The following SLC35F3 variants were observed in gnomAD, a reference collection of about 807,000 sequenced individuals.
SLC35F3 encodes putative thiamine transporter SLC35F3.
In SLC35F3, 25 loss-of-function variants were observed where a neutral mutation model predicts 49.9. The ratio of observed to expected loss-of-function variants is 0.50; its 90% CI spans 0.37 to 0.70. SLC35F3 has a LOEUF of 0.70. SLC35F3 is among the 30% of genes least tolerant of loss of function. The pLI, the probability that SLC35F3 is intolerant of heterozygous loss-of-function variation, is 0.00. For missense variants in SLC35F3, 525 were observed against 639.8 expected, an observed-to-expected ratio of 0.82 and a Z score of 1.94; for synonymous variants, 275 against 265.4, an observed-to-expected ratio of 1.04 and a Z score of -0.35.
intron 2 of SLC35F3, among the ~76,000 whole-genome samples, chr1:233,964,018 G>T (rs1662852780): frequency 6.6e-6 from 1 of 152,184 alleles, no homozygotes; most frequent in Non-Finnish European, 1.5e-5. Flanking sequence ...AGAAACTCAA[G>T]TTACTCTCTA....
chr1:233,942,634 A>AAACTCCC (rs1468966444), intron 2 of SLC35F3, among the ~76,000 whole-genome samples: 1 of 152,112 alleles, frequency 6.6e-6, no homozygotes, highest in Non-Finnish European at 1.5e-5. Context: ...AGCTGGTCTC[A>AAACTCCC]AACTCCCAGG....
At chr1:233,905,857 C>A in intron 2 of SLC35F3, 99 bp downstream of exon 2, 2 of 1,105,076 alleles carry the variant, frequency 1.8e-6, no homozygotes, top group Non-Finnish European at 2.6e-6. Context: ...GTCCAGCCAC[C>A]CCCTCCCGCC....
chr1:234,216,896 C>T (rs1667130884), intron 2 of SLC35F3, among the ~76,000 whole-genome samples: 1 of 152,136 alleles, frequency 6.6e-6, no homozygotes, highest in South Asian at 2.1e-4. Context: ...AAAATTCTGC[C>T]CCTCGGGGCC....
intron 2 of SLC35F3, among the ~76,000 whole-genome samples, chr1:234,138,131 A>G (rs1665838144): frequency 6.6e-6 from 1 of 152,266 alleles, no homozygotes; most frequent in South Asian, 2.1e-4. Context: ...CCTGAAGTTC[A>G]GTTTCAACAT....
At chr1:234,198,386 C>T (rs1351317704) in intron 2 of SLC35F3, among the ~76,000 whole-genome samples, 2 of 152,134 alleles carry the variant, frequency 1.3e-5, no homozygotes, top group African/African-American at 4.8e-5. Context: ...TCTGTACAGA[C>T]ATATGTTTTC....
chr1:233,906,053 G>C (rs1478042746), intron 2 of SLC35F3, among the ~76,000 whole-genome samples: 1 of 152,202 alleles, frequency 6.6e-6, no homozygotes, highest in East Asian at 1.9e-4. Flanking sequence ...GCAGACCGTG[G>C]GAAACAGATC....
intron 2 of SLC35F3, among the ~76,000 whole-genome samples, chr1:234,099,617 A>AC (rs1431087173): frequency 6.6e-6 from 1 of 150,396 alleles, no homozygotes; most frequent in South Asian, 2.1e-4. Context: ...TAAAAAAAAA[A>AC]AAAAAAAAAA....
Position 234,068,822 on chromosome 1 carries a change from A to ATT in SLC35F3, c.284-162594_284-162593dup, listed in dbSNP as rs1491227781. 1.2e-3 allele frequency among the ~76,000 whole-genome samples: 25 copies of ATT among 20,254 alleles called. 1 individual carries two copies. Among genetic ancestry groups the ATT allele is most frequent in the African/African-American group, 5.1e-3 (24 of 4,674 alleles). 13.3% of individuals were successfully genotyped at this position (20,254 alleles called of 152,430 possible). On this transcript the variant is annotated intron_variant, in intron 2 of 7. Coordinates refer to ENST00000366618, the MANE Select transcript of SLC35F3 (RefSeq NM_173508.4). ...GGAGTGACAGGATAAGATTTGAGAC[A>ATT]TTATATATATATATATATATATATA...
chr1:234,013,333 C>T (rs1317300858), intron 2 of SLC35F3, among the ~76,000 whole-genome samples: 1 of 151,884 alleles, frequency 6.6e-6, no homozygotes, highest in Non-Finnish European at 1.5e-5. Context: ...TTACAGGATG[C>T]ATCAACAGGA....
intron 2 of SLC35F3, among the ~76,000 whole-genome samples, chr1:234,098,815 G>A (rs913044329): frequency 6.7e-6 from 1 of 149,524 alleles, no homozygotes; most frequent in African/African-American, 2.5e-5. Context: ...TGGTGTTATA[G>A]GGTCATGATG....
At chr1:234,035,597 G>A (rs1299340501) in intron 2 of SLC35F3, among the ~76,000 whole-genome samples, 1 of 152,010 alleles carries the variant, frequency 6.6e-6, no homozygotes, top group Non-Finnish European at 1.5e-5. Context: ...TGAGTTTCAT[G>A]ACCTGGCCCT....
chr1:234,186,933 C>T (rs2102926563), intron 2 of SLC35F3, among the ~76,000 whole-genome samples: 1 of 152,292 alleles, frequency 6.6e-6, no homozygotes, highest in East Asian at 1.9e-4. Context: ...TGCTCTCACT[C>T]TTTGCTTTCT....
At chr1:234,236,246 G>A (rs780400411) in intron 3 of SLC35F3, among the ~76,000 whole-genome samples, 1 of 152,070 alleles carries the variant, frequency 6.6e-6, no homozygotes, top group Non-Finnish European at 1.5e-5. Flanking sequence ...TTCAAGACCA[G>A]CCTTGGCAAC....
intron 2 of SLC35F3, among the ~76,000 whole-genome samples, chr1:234,186,427 T>C (rs1243008591): frequency 1.3e-5 from 2 of 152,242 alleles, no homozygotes; most frequent in Admixed American, 1.3e-4. Context: ...TAGCAAACCC[T>C]GAGCAAAGGG....
At chr1:234,318,287 G>A (rs1657536953) in intron 5 of SLC35F3, among the ~76,000 whole-genome samples, 1 of 152,232 alleles carries the variant, frequency 6.6e-6, no homozygotes, top group African/African-American at 2.4e-5. Flanking sequence ...TTCTGGAATG[G>A]ACATGGTGGG....
At chr1:234,277,206 G>A (rs1415643419) in intron 3 of SLC35F3, among the ~76,000 whole-genome samples, 13 of 152,352 alleles carry the variant, frequency 8.5e-5, no homozygotes, top group East Asian at 3.9e-4. Flanking sequence ...CTGTGTGGCC[G>A]GCGGTAGGTT....
chr1:233,931,621 G>A (rs530422905), intron 2 of SLC35F3, among the ~76,000 whole-genome samples: 2 of 152,252 alleles, frequency 1.3e-5, no homozygotes, highest in African/African-American at 2.4e-5. Context: ...TAGAATGGCG[G>A]TCATTAAAAA....
intron 2 of SLC35F3, among the ~76,000 whole-genome samples, chr1:234,120,616 A>C (rs1031048769): frequency 6.6e-5 from 10 of 152,224 alleles, no homozygotes; most frequent in Admixed American, 2.0e-4. Flanking sequence ...AAAAGTACAA[A>C]AGATCACACC....
rs667146 is a variant in SLC35F3, at chr1:234,202,732, A to T, written c.284-28685A>T. ...CAGGATGTGAGGAGATGGCCTGTGC[A>T]CCTGTCTAAGACAGATAACAATACA... On this transcript the variant is annotated intron_variant, in intron 2 of 7. Transcript: ENST00000366618. 3.3e-3 allele frequency among the ~76,000 whole-genome samples: 505 copies of T among 152,356 alleles called. 5 individuals carry two copies. Among genetic ancestry groups the T allele is most frequent in the African/African-American group, 0.012 (483 of 41,576 alleles).
Sources: allele counts gnomAD v4.1 joint callset (sites outside exome capture counted in the v4.1 genomes callset), GRCh38; gene constraint gnomAD v4.1.1; transcripts MANE v1.5; gene names NCBI Gene and HGNC (gene_info 2026-07-23, HGNC 2026-07-21).